TCERG1L: variants seen among roughly 807,000 people sequenced by gnomAD.
TCERG1L encodes transcription elongation regulator 1 like.
In TCERG1L, 37 loss-of-function variants were observed where a neutral mutation model predicts 56.3. The ratio of observed to expected loss-of-function variants is 0.66; its 90% CI spans 0.51 to 0.87. TCERG1L has a LOEUF of 0.87. TCERG1L is among the 40% of genes least tolerant of loss of function. The pLI is 0.00. For synonymous variants in TCERG1L, 324 were observed against 326.3 expected (o/e 0.99, Z 0.08); for missense variants, 799 against 774.2 (o/e 1.03, Z -0.38).
At chr10:131,256,992 G>GGAAGGAAGGAAAGGAAGAAA (rs1846173015) in intron 4 of TCERG1L, among the ~76,000 whole-genome samples, 3 of 59,170 alleles carry the variant, frequency 5.1e-5, no homozygotes, top group African/African-American at 1.1e-4. Flanking sequence ...AAGGAAGGAA[G>GGAAGGAAGGAAAGGAAGAAA]GAAAGAAAGA....
intron 4 of TCERG1L, among the ~76,000 whole-genome samples, chr10:131,215,022 T>C (rs1473487867): frequency 3.3e-5 from 5 of 152,178 alleles, no homozygotes; most frequent in Non-Finnish European, 7.3e-5. Flanking sequence ...AGAGCTAGGC[T>C]GGGCGGTTCC....
Position 131,150,193 on chromosome 10 carries a change from G to A in TCERG1L, c.1035-3533C>T, listed in dbSNP as rs144137882. Among the ~76,000 whole-genome samples the A allele has an allele frequency of 0.019, 366 of 19,368 alleles. 2 individuals carry two copies. The South Asian group carries it at 0.25, about 13-fold the overall frequency. The allele number at this position is 19,368 out of a possible 152,430, so 12.7% of individuals were successfully genotyped here. The stretch of plus-strand genomic sequence containing the variant: ...AACAACTTCCTGTGACCTGGGTACA[G>A]CAGATGGACCTGTTGAGCACCATGT... On this transcript the variant is annotated intron_variant, in intron 6 of 11. Transcript: ENST00000368642.
In TCERG1L at chr10:131,185,106, G is replaced by A. The variant is rs190681904; in HGVS notation, c.857-18221C>T. Among the ~76,000 whole-genome samples, 18 of 152,002 alleles carry A rather than the reference G, an allele frequency of 1.2e-4. No individual in the cohort carries two copies. In the East Asian group the frequency reaches 2.9e-3, roughly 25 times the overall value. ...GCGAGACCCTATCTCAAAACATAGA[G>A]ACATATAGATGTACATATAGATAAA... On this transcript the variant is annotated intron_variant, in intron 4 of 11. Coordinates refer to ENST00000368642, the MANE Select transcript of TCERG1L (RefSeq NM_174937.4).
At chr10:131,266,271 A>G (rs1846284829) in intron 3 of TCERG1L, among the ~76,000 whole-genome samples, 1 of 152,184 alleles carries the variant, frequency 6.6e-6, no homozygotes, top group African/African-American at 2.4e-5. Flanking sequence ...CTTCCTCCAA[A>G]GACGTCTTGA....
At chr10:131,101,577 C>T (rs188424266) in intron 10 of TCERG1L, among the ~76,000 whole-genome samples, 27 of 152,264 alleles carry the variant, frequency 1.8e-4, no homozygotes, top group African/African-American at 4.3e-4. Flanking sequence ...ATGCCACACA[C>T]GCCACACACG....
chr10:131,190,527 C>T lies in TCERG1L; in HGVS notation c.857-23642G>A, dbSNP rs548388263. On this transcript the variant is annotated intron_variant, in intron 4 of 11. Coordinates refer to ENST00000368642, the MANE Select transcript of TCERG1L (RefSeq NM_174937.4). ...ACAGATGCAAAAATCCTTAAGAAAA[C>T]ACTAGCTAACCAATCCAACAGCACA... 5.2e-5 allele frequency among the ~76,000 whole-genome samples: 6 copies of T among 115,568 alleles called. 1 individual carries two copies. The highest frequency in any genetic ancestry group is 1.7e-4 in the African/African-American group (5 of 29,588). The allele number at this position is 115,568 out of a possible 152,430, so 75.8% of individuals were successfully genotyped here.
intron 3 of TCERG1L, among the ~76,000 whole-genome samples, chr10:131,305,405 G>A (rs1846809931): frequency 6.6e-6 from 1 of 151,994 alleles, no homozygotes; most frequent in South Asian, 2.1e-4. Flanking sequence ...GAGACTCTGT[G>A]CCATGCAGTT....
intron 4 of TCERG1L, among the ~76,000 whole-genome samples, chr10:131,199,713 C>CTTT (rs1168382569): frequency 1.3e-5 from 2 of 152,334 alleles, no homozygotes; most frequent in African/African-American, 4.8e-5. Context: ...AACAAGCAGT[C>CTTT]ATAAAGGGCC....
chr10:131,105,678 G>A (rs899062902), intron 9 of TCERG1L, among the ~76,000 whole-genome samples: 1 of 152,080 alleles, frequency 6.6e-6, no homozygotes, highest in Non-Finnish European at 1.5e-5. Flanking sequence ...TGCTAGGGCT[G>A]GACTCCAGTC....
At chr10:131,310,827 G>C (rs530883669) in intron 1 of TCERG1L, among the ~76,000 whole-genome samples, 1 of 152,182 alleles carries the variant, frequency 6.6e-6, no homozygotes, top group Non-Finnish European at 1.5e-5. Context: ...TCAAATGAAA[G>C]GGGGAAAAAC....
At chr10:131,205,392 C>A in intron 4 of TCERG1L, among the ~76,000 whole-genome samples, 1 of 149,832 alleles carries the variant, frequency 6.7e-6, no homozygotes, top group Non-Finnish European at 1.5e-5. Flanking sequence ...GCAATAAAAT[C>A]AAAAAGTGAG....
chr10:131,309,036 C>T, intron 2 of TCERG1L, 117 bp downstream of exon 2: 1 of 1,194,742 alleles, frequency 8.4e-7, no homozygotes, highest in Non-Finnish European at 1.1e-6. Flanking sequence ...TATTTCTATA[C>T]CTAGATGGCC....
intron 3 of TCERG1L, among the ~76,000 whole-genome samples, chr10:131,285,578 AAG>A (rs1227798787): frequency 4.1e-5 from 6 of 144,664 alleles, no homozygotes; most frequent in South Asian, 2.2e-4. Context: ...GAAAGAAAGA[AAG>A]AAAAAAAATG....
intron 4 of TCERG1L, among the ~76,000 whole-genome samples, chr10:131,241,338 AAAG>A (rs1314204342): frequency 6.6e-6 from 1 of 152,204 alleles, no homozygotes; most frequent in Admixed American, 6.5e-5. Context: ...ACAGGAGAGA[AAAG>A]AATAAGAGAC....
chr10:131,130,397 T>C (rs1845605697), intron 8 of TCERG1L, among the ~76,000 whole-genome samples: 1 of 152,124 alleles, frequency 6.6e-6, no homozygotes, highest in Non-Finnish European at 1.5e-5. Context: ...CACATAGGGA[T>C]TACAATTCCA....
At chr10:131,111,208 G>A (rs76785377) in intron 9 of TCERG1L, among the ~76,000 whole-genome samples, 2,431 of 142,698 alleles carry the variant, frequency 0.017, 246 homozygotes, top group African/African-American at 0.057. Context: ...GGGCTCAGCC[G>A]GGCACACTCA....
Position 131,214,399 on chromosome 10 carries a change from G to A in TCERG1L, c.856+45860C>T, listed in dbSNP as rs144775507. ...TGGCATCTCAGCCACTCTCACAGCC[G>A]TCTCTAATACGTCTTTAACTCTTGA... On this transcript the variant is annotated intron_variant, in intron 4 of 11. Transcript: ENST00000368642. 8.1e-3 allele frequency among the ~76,000 whole-genome samples: 1,230 copies of A among 152,290 alleles called. 10 individuals are homozygous for A. Among genetic ancestry groups the A allele is most frequent in the Non-Finnish European group, 0.014 (985 of 68,026 alleles).
intron 4 of TCERG1L, among the ~76,000 whole-genome samples, chr10:131,195,986 T>C (rs577006852): frequency 2.0e-5 from 3 of 152,100 alleles, no homozygotes; most frequent in Non-Finnish European, 4.4e-5. Context: ...TGGCACTGAG[T>C]GGACACGCAG....
chr10:131,309,074 G>C, intron 2 of TCERG1L, 79 bp downstream of exon 2: 1 of 1,501,846 alleles, frequency 6.7e-7, no homozygotes, highest in Non-Finnish European at 9.0e-7. Flanking sequence ...AAATACATGG[G>C]TATTTTTGTT....
Sources: allele counts gnomAD v4.1 joint callset (sites outside exome capture counted in the v4.1 genomes callset), GRCh38; gene constraint gnomAD v4.1.1; transcripts MANE v1.5; gene names NCBI Gene and HGNC (gene_info 2026-07-23, HGNC 2026-07-21).